CSMD1: variants seen among roughly 807,000 people sequenced by gnomAD.
The protein encoded by CSMD1 is CUB and Sushi multiple domains 1.
A neutral mutation model predicts 417.5 loss-of-function variants in CSMD1; 213 were observed. The ratio of observed to expected loss-of-function variants is 0.51; its 90% confidence interval spans 0.46 to 0.57. CSMD1 has a LOEUF of 0.57. CSMD1 is among the 20% of genes least tolerant of loss of function. The pLI is 0.00. For synonymous variants in CSMD1, 2,862 were observed against 1,736.8 expected (o/e 1.65, Z -16.11); for missense variants, 6,923 against 4,529.7 (o/e 1.53, Z -15.17).
intron 34 of CSMD1, among the ~76,000 whole-genome samples, chr8:3,189,408 C>G (rs1022796274): frequency 6.6e-6 from 1 of 152,186 alleles, no homozygotes; most frequent in African/African-American, 2.4e-5. Context: ...TGAGCAAATT[C>G]AAGAGAAGAG....
chr8:4,651,471 G>A (rs188249094), intron 1 of CSMD1, among the ~76,000 whole-genome samples: 1 of 151,998 alleles, frequency 6.6e-6, no homozygotes, highest in Non-Finnish European at 1.5e-5. Context: ...ATACTGGTGG[G>A]GGGAGGAATT....
chr8:4,900,317 T>A (rs2117040468), intron 1 of CSMD1, among the ~76,000 whole-genome samples: 1 of 152,262 alleles, frequency 6.6e-6, no homozygotes, highest in Non-Finnish European at 1.5e-5. Context: ...GTCCTTAGGC[T>A]CCATGAATAG....
chr8:3,582,089 T>C (rs6558805), intron 9 of CSMD1, among the ~76,000 whole-genome samples: 149,933 of 152,264 alleles, frequency 0.98, 73,838 homozygotes, highest in Middle Eastern at 1. Flanking sequence ...GCCACCGCGC[T>C]GGCCAATGCT....
At chr8:3,516,008 C>T (rs1033198392) in intron 10 of CSMD1, among the ~76,000 whole-genome samples, 1 of 152,162 alleles carries the variant, frequency 6.6e-6, no homozygotes. Context: ...AGTAAGTCTA[C>T]TCAATTAACT....
At chr8:4,875,191 TA>T in intron 1 of CSMD1, among the ~76,000 whole-genome samples, 1 of 152,138 alleles carries the variant, frequency 6.6e-6, no homozygotes, top group Non-Finnish European at 1.5e-5. Flanking sequence ...TCTTTCTCTG[TA>T]CAGTAGTACT....
chr8:3,542,052 C>T (rs1199172214), intron 10 of CSMD1, among the ~76,000 whole-genome samples: 1 of 152,074 alleles, frequency 6.6e-6, no homozygotes, highest in Non-Finnish European at 1.5e-5. Flanking sequence ...TATCTACTTC[C>T]ACCTATGTGC....
chr8:4,224,014 C>A (rs1161038144), intron 3 of CSMD1, among the ~76,000 whole-genome samples: 1 of 152,090 alleles, frequency 6.6e-6, no homozygotes, highest in Non-Finnish European at 1.5e-5. Flanking sequence ...AAACTCGTAT[C>A]CCGGGTACGT....
At chr8:3,847,533 G>A (rs574139851) in intron 5 of CSMD1, among the ~76,000 whole-genome samples, 13 of 152,200 alleles carry the variant, frequency 8.5e-5, no homozygotes, top group Admixed American at 2.0e-4. Flanking sequence ...AGCCTAAGGT[G>A]AGATCACAGA....
intron 3 of CSMD1, among the ~76,000 whole-genome samples, chr8:4,319,867 G>C (rs538209518): frequency 2.0e-4 from 31 of 152,136 alleles, no homozygotes; most frequent in Admixed American, 4.6e-4. Flanking sequence ...GCAGGTAACA[G>C]AGGTACCCAA....
chr8:3,931,221 G>A (rs537005652), intron 5 of CSMD1, among the ~76,000 whole-genome samples: 12 of 150,544 alleles, frequency 8.0e-5, no homozygotes, highest in African/African-American at 7.3e-5. Context: ...AATGAGGTTC[G>A]GAGAATGATA....
chr8:4,803,304 G>C (rs1798408536), intron 1 of CSMD1, among the ~76,000 whole-genome samples: 1 of 152,148 alleles, frequency 6.6e-6, no homozygotes, highest in South Asian at 2.1e-4. Context: ...ATTCCCTTTA[G>C]TGTTCAGTGA....
chr8:4,761,419 A>G (rs1035536357), intron 1 of CSMD1, among the ~76,000 whole-genome samples: 1 of 152,080 alleles, frequency 6.6e-6, no homozygotes, highest in African/African-American at 2.4e-5. Context: ...TATACACACA[A>G]TTACATAAAA....
At chr8:4,810,252 G>A (rs1013134477) in intron 1 of CSMD1, among the ~76,000 whole-genome samples, 2 of 152,176 alleles carry the variant, frequency 1.3e-5, no homozygotes, top group East Asian at 1.9e-4. Flanking sequence ...TTTCATTTAT[G>A]TGAAATGATT....
Position 4,339,709 on chromosome 8 carries a change from A to C in CSMD1, c.415+80244T>G, listed in dbSNP as rs145538851. On this transcript the variant is annotated intron_variant, in intron 3 of 69. Transcript: ENST00000635120. ...TTTCCAGGTTTGAGTGAGTGAGAAG[A>C]AAATGAAAGAGGACGGTATACGAAG... is the stretch of plus-strand genomic sequence containing the variant. Among the ~76,000 whole-genome samples, 242 of 152,202 alleles carry C rather than the reference A, an allele frequency of 1.6e-3. 4 individuals are homozygous for C. The East Asian group carries it at 0.043, about 27-fold the overall frequency.
chr8:4,621,555 T>G (rs536421212), intron 2 of CSMD1, among the ~76,000 whole-genome samples: 1 of 152,142 alleles, frequency 6.6e-6, no homozygotes, highest in Admixed American at 6.5e-5. Flanking sequence ...TTGAATTTTT[T>G]ATTTAAGATT....
At chr8:2,962,856 C>G (rs1474437181) in intron 60 of CSMD1, among the ~76,000 whole-genome samples, 1 of 152,174 alleles carries the variant, frequency 6.6e-6, no homozygotes, top group Non-Finnish European at 1.5e-5. Context: ...CGAGACTAGC[C>G]TGGGCAACAT....
chr8:3,072,466 G>A (rs1018556203), intron 49 of CSMD1, among the ~76,000 whole-genome samples: 1 of 152,138 alleles, frequency 6.6e-6, no homozygotes, highest in African/African-American at 2.4e-5. Flanking sequence ...TTATTTTAAA[G>A]AATATTATGT....
At chr8:4,924,271 G>A (rs563194581) in intron 1 of CSMD1, among the ~76,000 whole-genome samples, 1 of 152,148 alleles carries the variant, frequency 6.6e-6, no homozygotes, top group Admixed American at 6.5e-5. Flanking sequence ...AAACAGTTTT[G>A]TATCATTTTA....
At chr8:4,756,399 A>C (rs1457194) in intron 1 of CSMD1, among the ~76,000 whole-genome samples, 1 of 152,206 alleles carries the variant, frequency 6.6e-6, no homozygotes, top group East Asian at 1.9e-4. Context: ...GACCCGACCA[A>C]GTTGAAGAAC....
Sources: gnomAD v4.1 joint callset for allele counts (sites outside exome capture counted in the v4.1 genomes callset) on GRCh38, gnomAD v4.1.1 for gene constraint, MANE v1.5 for transcripts, NCBI Gene and HGNC (gene_info 2026-07-23, HGNC 2026-07-21) for gene names.